The following USP3 variants were observed in gnomAD, a reference collection of about 807,000 sequenced individuals.
USP3 encodes the protein ubiquitin specific peptidase 3.
In USP3, 20 loss-of-function variants were observed where a neutral mutation model predicts 72.3. That is an observed-to-expected ratio of 0.28 (90% CI 0.19 to 0.40). The LOEUF (loss-of-function observed/expected upper bound fraction) is 0.40, where lower values mean the gene tolerates loss of function less well. Ranked by LOEUF, USP3 falls within the 10% of genes least tolerant of loss-of-function variation. The probability of loss-of-function intolerance (pLI) is 1.00; values close to 1 mark genes in which losing one functional copy is unlikely to be tolerated. For synonymous variants in USP3, 222 were observed against 225.3 expected (o/e 0.99, Z 0.13); for missense variants, 479 against 633.9 (o/e 0.76, Z 2.62).
chr15:63,585,525 T>C (rs955669832), intron 11 of USP3, among the ~76,000 whole-genome samples: 3 of 152,202 alleles, frequency 2.0e-5, no homozygotes, highest in Non-Finnish European at 2.9e-5. Flanking sequence ...AATACATTGT[T>C]AGTGTATAGA....
Position 63,529,186 on chromosome 15 carries a change from T to C in USP3, c.92-3461T>C. 1 of 579,910 alleles carries C rather than the reference T, an allele frequency of 1.7e-6. No homozygotes were observed. Among genetic ancestry groups the C allele is most frequent in the South Asian group, 1.6e-5 (1 of 62,816 alleles). The allele number at this position is 579,910 out of a possible 1,614,324, so 35.9% of individuals were successfully genotyped here. On this transcript the variant is annotated intron_variant, in intron 1 of 14. Coordinates refer to ENST00000380324, the MANE Select transcript of USP3 (RefSeq NM_006537.4). This position sits in a 1 kb window ranked among gnomAD's most constrained non-coding sequence, Gnocchi z 4.2. ...TGGCAGGTAGTAAAGTGGTTTTTTTTTTTTTCTTTTTTTTGAGATATATTA... is the reference window on the plus strand; with the variant it reads ...TGGCAGGTAGTAAAGTGGTTTTTTTCTTTTTCTTTTTTTTGAGATATATTA...
intron 2 of USP3, among the ~76,000 whole-genome samples, chr15:63,535,771 T>C (rs1223289059): frequency 6.6e-6 from 1 of 152,228 alleles, no homozygotes; most frequent in Non-Finnish European, 1.5e-5. Context: ...TCCTTCCCAG[T>C]TACGGTAACT....
At chr15:63,549,650 T>G (rs1362896036) in intron 3 of USP3, among the ~76,000 whole-genome samples, 2 of 152,210 alleles carry the variant, frequency 1.3e-5, no homozygotes, top group Non-Finnish European at 2.9e-5. Flanking sequence ...AATCTTCAAT[T>G]TTAACGTAAA....
At chr15:63,514,422 T>A (rs972181602) in intron 1 of USP3, among the ~76,000 whole-genome samples, 5 of 152,208 alleles carry the variant, frequency 3.3e-5, no homozygotes, top group African/African-American at 4.8e-5. Context: ...TTTTCTGAAA[T>A]ATTGATTATC....
rs888463742 is a variant in USP3 at position 63,553,595 on chromosome 15, C to G, written c.285-120C>G. ...TTCCAGGTCCTCTTTAAACTTACCA[C>G]CAGCAGTAACTGCCTGCAGAGCCAT... is the stretch of plus-strand genomic sequence containing the variant. On this transcript the variant is annotated intron_variant, in intron 3 of 14. Transcript: ENST00000380324. This position sits in a 1 kb window ranked among gnomAD's most constrained non-coding sequence, Gnocchi z 4.2. 24 of 764,512 alleles carry G rather than the reference C, an allele frequency of 3.1e-5. No individual in the cohort carries two copies. The highest frequency in any genetic ancestry group is 4.6e-5 in the Non-Finnish European group (24 of 523,378). 47.4% of individuals were successfully genotyped at this position (764,512 alleles called of 1,614,324 possible). A position where few individuals can be genotyped will look rare whatever the true frequency, so the allele number is the denominator to read the frequency against.
chr15:63,520,925 A>C (rs1458580151), intron 1 of USP3, among the ~76,000 whole-genome samples: 1 of 152,032 alleles, frequency 6.6e-6, no homozygotes. Context: ...AGTATATAAA[A>C]CATTATCATG....
At chr15:63,541,832 TA>T (rs1358100421) in intron 3 of USP3, among the ~76,000 whole-genome samples, 5 of 152,104 alleles carry the variant, frequency 3.3e-5, no homozygotes, top group African/African-American at 1.2e-4. Context: ...CAAAATGTCT[TA>T]GAAGTGAATG....
In USP3 at chr15:63,588,832, T is replaced by G. The variant is rs751588123; in HGVS notation, c.1329+17T>G. 6.2e-7 allele frequency: 1 copy of G among 1,612,508 alleles called. No homozygotes were observed. Among genetic ancestry groups the G allele is most frequent in the South Asian group, 1.1e-5 (1 of 91,012 alleles). ...TTACTAGAGGTAAGGTGGTTACCTT[T>G]TTAGCATGGTGAAAAAATGGCTCTT... is the stretch of plus-strand genomic sequence containing the variant. On this transcript the variant is annotated intron_variant, in intron 13 of 14. Coordinates refer to ENST00000380324, the MANE Select transcript of USP3 (RefSeq NM_006537.4). The surrounding 1 kb of genome is among the most constrained non-coding windows in gnomAD (Gnocchi z 4.6).
intron 1 of USP3, among the ~76,000 whole-genome samples, chr15:63,506,542 A>G (rs2065716072): frequency 6.6e-6 from 1 of 152,236 alleles, no homozygotes; most frequent in Non-Finnish European, 1.5e-5. Flanking sequence ...CACTGGGCAC[A>G]TACATCTAAA....
rs148486263 is a variant in USP3 at position 63,591,532 on chromosome 15, T to TAA, written c.*708_*709dup. On this transcript the variant is annotated 3_prime_UTR_variant, in exon 15 of 15. Transcript: ENST00000380324. ...TGTTTGCGGGGAGGTAAGATGGGAGTAAAGACCAAATACATGTAATGTTTA... is the reference window on the plus strand; with the variant it reads ...TGTTTGCGGGGAGGTAAGATGGGAGTAAAAAGACCAAATACATGTAATGTTTA... The TAA allele has an allele frequency of 2.1e-3, 315 of 152,152 alleles. No individual in the cohort carries two copies. Among genetic ancestry groups the TAA allele is most frequent in the African/African-American group, 7.3e-3 (303 of 41,482 alleles). 9.4% of individuals were successfully genotyped at this position (152,152 alleles called of 1,614,324 possible).
intron 8 of USP3, among the ~76,000 whole-genome samples, chr15:63,566,231 G>T (rs796554020): frequency 4.0e-4 from 61 of 151,594 alleles, no homozygotes; most frequent in African/African-American, 1.3e-3. Context: ...TCTTATATTT[G>T]CTTGCTCTTC....
Position 63,544,505 on chromosome 15 carries a change from A to C in USP3, c.284+7349A>C. 1 of 553,170 alleles carries C rather than the reference A, an allele frequency of 1.8e-6. No homozygotes were observed. Among genetic ancestry groups the C allele is most frequent in the Non-Finnish European group, 3.2e-6 (1 of 314,278 alleles). 34.3% of individuals were successfully genotyped at this position (553,170 alleles called of 1,614,324 possible). ...TTGTCTTTTAGAATTAGAGGGGGCA[A>C]GTAGTGCAGGGCAAAAACAGGAAGG... On this transcript the variant is annotated intron_variant, in intron 3 of 14. Transcript: ENST00000380324. The surrounding 1 kb of genome is among the most constrained non-coding windows in gnomAD (Gnocchi z 4.2).
At chr15:63,589,486 G>A (rs1433890562) in intron 14 of USP3, among the ~76,000 whole-genome samples, 1 of 152,146 alleles carries the variant, frequency 6.6e-6, no homozygotes, top group Non-Finnish European at 1.5e-5. Flanking sequence ...ACTACTATAT[G>A]TGGGCAGACG....
chr15:63,562,671 C>G (rs2066626975), intron 7 of USP3, among the ~76,000 whole-genome samples: 1 of 152,240 alleles, frequency 6.6e-6, no homozygotes, highest in South Asian at 2.1e-4. Context: ...TGCATGGGCA[C>G]ACTCAGAGTT....
chr15:63,589,953 TGCACTATCTTTTTGAAACTATTA>T (rs138178734), intron 14 of USP3, among the ~76,000 whole-genome samples: 16,532 of 151,694 alleles, frequency 0.11, 1,142 homozygotes, highest in Admixed American at 0.17. Flanking sequence ...GTTTTATGAT[TGCACTATCTTTTTGAAACTATTA>T]GCACTAATTT....
rs757748908 is a variant in USP3, at chr15:63,591,781, T to TG, written c.*961dup. The TG allele has an allele frequency of 1.8e-4, 27 of 152,326 alleles. No homozygotes were observed. Among genetic ancestry groups the TG allele is most frequent in the Admixed American group, 1.4e-3 (21 of 15,298 alleles). The allele number at this position is 152,326 out of a possible 1,614,324, so 9.4% of individuals were successfully genotyped here. A position where few individuals can be genotyped will look rare whatever the true frequency, so the allele number is the denominator to read the frequency against. On this transcript the variant is annotated 3_prime_UTR_variant, in exon 15 of 15. Coordinates refer to ENST00000380324, the MANE Select transcript of USP3 (RefSeq NM_006537.4). The stretch of plus-strand genomic sequence containing the variant: ...CATCACCCGCACTTCAGTTTATCAC[T>TG]GGGGGGTGTGCTTCCACAGGAGGAA...
chr15:63,522,287 A>G (rs2065930726), intron 1 of USP3, among the ~76,000 whole-genome samples: 1 of 152,224 alleles, frequency 6.6e-6, no homozygotes, highest in African/African-American at 2.4e-5. Context: ...TGGCTAGCAT[A>G]GCTTCCCATC....
intron 5 of USP3, among the ~76,000 whole-genome samples, chr15:63,557,419 C>T (rs182795556): frequency 7.2e-5 from 11 of 152,280 alleles, no homozygotes; most frequent in South Asian, 4.1e-4. Context: ...CACGCCACCA[C>T]GCCCGGCTAA....
At chr15:63,576,820 C>G (rs1445849722) in intron 11 of USP3, among the ~76,000 whole-genome samples, 2 of 152,198 alleles carry the variant, frequency 1.3e-5, no homozygotes, top group African/African-American at 2.4e-5. Context: ...CTGGTACCTC[C>G]TCACTGTGTT....
Sources: allele counts gnomAD v4.1 joint callset (sites outside exome capture counted in the v4.1 genomes callset), GRCh38; gene constraint gnomAD v4.1.1; non-coding constraint Gnocchi (gnomAD v3.1); transcripts MANE v1.5; gene names NCBI Gene and HGNC (gene_info 2026-07-23, HGNC 2026-07-21).